The following PTGFR variants were observed in gnomAD, a reference collection of about 807,000 sequenced individuals.
The protein encoded by PTGFR is prostaglandin F2-alpha receptor.
In PTGFR, 15 loss-of-function variants were observed where a neutral mutation model predicts 26.2. That is an observed-to-expected ratio of 0.57 (90% confidence interval 0.38 to 0.88). The LOEUF is 0.88. Among genes scored for constraint, PTGFR ranks in the 40% least tolerant of loss-of-function variants. The probability of loss-of-function intolerance (pLI) is 0.00; values close to 1 mark genes in which losing one functional copy is unlikely to be tolerated. For missense variants in PTGFR, 369 were observed against 427.2 expected (o/e 0.86, Z 1.20); for synonymous variants, 165 against 151.1 (o/e 1.09, Z -0.68).
At chr1:78,497,611 G>A (rs1238587772) in intron 2 of PTGFR, among the ~76,000 whole-genome samples, 1 of 152,144 alleles carries the variant, frequency 6.6e-6, no homozygotes, top group African/African-American at 2.4e-5. Flanking sequence ...AATTATTAGT[G>A]CTATGCGTAG....
chr1:78,523,978 A>G (rs1026020437), intron 2 of PTGFR, among the ~76,000 whole-genome samples: 7 of 152,088 alleles, frequency 4.6e-5, no homozygotes, highest in African/African-American at 1.7e-4. Flanking sequence ...GATTTCTGAA[A>G]GTAAAAAAGT....
intron 2 of PTGFR, among the ~76,000 whole-genome samples, chr1:78,510,082 G>T (rs1460607603): frequency 6.6e-6 from 1 of 152,172 alleles, no homozygotes; most frequent in Admixed American, 6.5e-5. Context: ...TAAAAATCAT[G>T]CATCACAGTG....
At chr1:78,503,359 A>T (rs1649754131) in intron 2 of PTGFR, among the ~76,000 whole-genome samples, 1 of 152,146 alleles carries the variant, frequency 6.6e-6, no homozygotes, top group South Asian at 2.1e-4. Context: ...AGCTCCTAAC[A>T]CTTTCTAAGA....
At position 78,493,225 on chromosome 1, in the gene PTGFR, TG is replaced by T. The variant is rs757835420; in HGVS notation, c.483del (p.Leu161PhefsTer6). 3 of 1,614,200 alleles carry T rather than the reference TG, an allele frequency of 1.9e-6. No individual in the cohort carries two copies. In the East Asian group the frequency reaches 6.7e-5, roughly 36 times the overall value. On this transcript the variant is annotated frameshift_variant, in exon 2 of 3. Coordinates refer to ENST00000370757, the MANE Select transcript of PTGFR (RefSeq NM_000959.4). LOFTEE classifies it high-confidence loss of function. The stretch of plus-strand genomic sequence containing the variant: ...AAAATGATGTTAAGTGGTGTGTGCT[TG>T]TTTGCTGTTTTCATAGCTTTGCTGC... ...HVKMMLSGVC[L>X]FAVFIALLPI...
intron 2 of PTGFR, among the ~76,000 whole-genome samples, chr1:78,511,645 G>A (rs1649972741): frequency 6.6e-6 from 1 of 152,170 alleles, no homozygotes; most frequent in Non-Finnish European, 1.5e-5. Context: ...TCATTGTCTT[G>A]TATATTAGCA....
intron 2 of PTGFR, among the ~76,000 whole-genome samples, chr1:78,494,185 A>G (rs1649486937): frequency 6.6e-6 from 1 of 152,284 alleles, no homozygotes; most frequent in African/African-American, 2.4e-5. Flanking sequence ...TGATAGCCTG[A>G]TAGTTTAATT....
At position 78,538,219 on chromosome 1, in the gene PTGFR, T is replaced by C. The variant is rs1243229743; in HGVS notation, c.*1532T>C. ...TCCTTCCTTATCATGCTGGGTACAATGCTTCTATGAATATTTCCATGTATT... is the reference window on the plus strand; with the variant it reads ...TCCTTCCTTATCATGCTGGGTACAACGCTTCTATGAATATTTCCATGTATT... On this transcript the variant is annotated 3_prime_UTR_variant, in exon 3 of 3. Transcript: ENST00000370757. 1 of 152,114 alleles carries C rather than the reference T, an allele frequency of 6.6e-6. No homozygotes were observed. Among genetic ancestry groups the C allele is most frequent in the Admixed American group, 6.6e-5 (1 of 15,240 alleles). 9.4% of individuals were successfully genotyped at this position (152,114 alleles called of 1,614,324 possible).
chr1:78,509,882 T>C (rs1649924246), intron 2 of PTGFR, among the ~76,000 whole-genome samples: 1 of 152,226 alleles, frequency 6.6e-6, no homozygotes, highest in African/African-American at 2.4e-5. Flanking sequence ...TTTACCTATA[T>C]CAACACTCTC....
intron 2 of PTGFR, among the ~76,000 whole-genome samples, chr1:78,519,100 A>G (rs947575843): frequency 6.6e-6 from 1 of 152,170 alleles, no homozygotes; most frequent in Non-Finnish European, 1.5e-5. Flanking sequence ...ATATGCAAAG[A>G]TACCTTGATT....
At chr1:78,517,430 G>T (rs1027840145) in intron 2 of PTGFR, among the ~76,000 whole-genome samples, 1 of 152,046 alleles carries the variant, frequency 6.6e-6, no homozygotes, top group Non-Finnish European at 1.5e-5. Flanking sequence ...TTTAAAGATT[G>T]ATAAGTGCTG....
At chr1:78,534,723 C>G (rs545136021) in intron 2 of PTGFR, among the ~76,000 whole-genome samples, 3 of 151,726 alleles carry the variant, frequency 2.0e-5, no homozygotes, top group African/African-American at 7.3e-5. Flanking sequence ...TGGAATCACA[C>G]AATCAATACA....
chr1:78,511,569 G>T (rs1649971353), intron 2 of PTGFR, among the ~76,000 whole-genome samples: 1 of 152,150 alleles, frequency 6.6e-6, no homozygotes, highest in African/African-American at 2.4e-5. Flanking sequence ...GTCCTCCTAG[G>T]CCTCTGGGCC....
At chr1:78,504,819 A>T (rs1268913125) in intron 2 of PTGFR, among the ~76,000 whole-genome samples, 1 of 152,176 alleles carries the variant, frequency 6.6e-6, no homozygotes, top group African/African-American at 2.4e-5. Flanking sequence ...TCTTCCTGCA[A>T]CCTGTTTTAA....
chr1:78,517,610 T>C (rs1193652500), intron 2 of PTGFR, among the ~76,000 whole-genome samples: 2 of 152,054 alleles, frequency 1.3e-5, no homozygotes, highest in Admixed American at 6.6e-5. Flanking sequence ...ATGAGCTTCT[T>C]GTGATGAGGA....
At chr1:78,514,347 AG>A (rs1319247945) in intron 2 of PTGFR, among the ~76,000 whole-genome samples, 2 of 152,340 alleles carry the variant, frequency 1.3e-5, no homozygotes, top group African/African-American at 4.8e-5. Context: ...TGTGGAGTTA[AG>A]GGAGATTCAT....
chr1:78,535,071 A>G (rs532207895), intron 2 of PTGFR, among the ~76,000 whole-genome samples: 1 of 152,224 alleles, frequency 6.6e-6, no homozygotes, highest in Non-Finnish European at 1.5e-5. Context: ...TGTTCTGGGG[A>G]GAAGCCTGGG....
intron 2 of PTGFR, among the ~76,000 whole-genome samples, chr1:78,509,240 G>C (rs1649901595): frequency 6.6e-6 from 1 of 152,164 alleles, no homozygotes; most frequent in African/African-American, 2.4e-5. Context: ...GGCCCATTCT[G>C]CCTAGTGCCA....
chr1:78,534,448 C>A (rs551579424), intron 2 of PTGFR, among the ~76,000 whole-genome samples: 12 of 152,228 alleles, frequency 7.9e-5, no homozygotes, highest in Non-Finnish European at 1.8e-4. Context: ...CTACTCACAT[C>A]CATAGAGATG....
chr1:78,535,364 T>C (rs1208557171), intron 2 of PTGFR, among the ~76,000 whole-genome samples: 1 of 152,140 alleles, frequency 6.6e-6, no homozygotes, highest in African/African-American at 2.4e-5. Flanking sequence ...TGTACTTTAT[T>C]GTGTAGACAA....
Sources: gnomAD v4.1 joint callset for allele counts (sites outside exome capture counted in the v4.1 genomes callset) on GRCh38, gnomAD v4.1.1 for gene constraint, MANE v1.5 for transcripts, NCBI Gene and HGNC (gene_info 2026-07-23, HGNC 2026-07-21) for gene names.